Variants in ADGRL2 observed in about 807,000 individuals in gnomAD.
ADGRL2 encodes the protein adhesion G protein-coupled receptor L2, also known as calcium-independent alpha-latrotoxin receptor 2.
A neutral mutation model predicts 157.4 loss-of-function variants in ADGRL2; 44 were observed. The ratio of observed to expected loss-of-function variants is 0.28; its 90% CI spans 0.22 to 0.36. The LOEUF is 0.36. ADGRL2 is among the 10% of genes least tolerant of loss of function. The pLI, the probability that ADGRL2 is intolerant of heterozygous loss-of-function variation, is 1.00. For missense variants in ADGRL2, 1,510 were observed against 1,768.9 expected, an observed-to-expected ratio of 0.85 and a Z score of 2.63; for synonymous variants, 585 against 624.7, an observed-to-expected ratio of 0.94 and a Z score of 0.95.
chr1:81,842,353 C>CT (rs71085377), intron 2 of ADGRL2, among the ~76,000 whole-genome samples: 8,438 of 54,720 alleles, frequency 0.15, 1,374 homozygotes, highest in East Asian at 0.17. Context: ...TCTTTTAGCG[C>CT]TTTTTTTTTT....
At chr1:81,617,423 A>G (rs1183210769) in intron 3 of ADGRL2, among the ~76,000 whole-genome samples, 1 of 152,172 alleles carries the variant, frequency 6.6e-6, no homozygotes, top group East Asian at 1.9e-4. Flanking sequence ...GCTAGTCTAG[A>G]CGACTCTTGG....
intron 1 of ADGRL2, among the ~76,000 whole-genome samples, chr1:81,332,735 G>A (rs973007457): frequency 4.6e-5 from 7 of 152,108 alleles, no homozygotes; most frequent in Admixed American, 4.6e-4. Context: ...TAACATATGT[G>A]CCTTTCACCT....
intron 1 of ADGRL2, among the ~76,000 whole-genome samples, chr1:81,386,835 A>G (rs1350839952): frequency 2.0e-5 from 3 of 152,116 alleles, no homozygotes; most frequent in African/African-American, 7.2e-5. Flanking sequence ...ATGTATTAAC[A>G]TATGCTGTAC....
intron 17 of ADGRL2, among the ~76,000 whole-genome samples, chr1:81,973,115 G>C (rs1173820310): frequency 1.3e-5 from 2 of 151,934 alleles, no homozygotes; most frequent in Non-Finnish European, 2.9e-5. Context: ...GTACTTGAAG[G>C]AAACTTAAAA....
At chr1:81,675,909 G>A (rs893470509) in intron 3 of ADGRL2, among the ~76,000 whole-genome samples, 5 of 151,922 alleles carry the variant, frequency 3.3e-5, no homozygotes, top group Non-Finnish European at 5.9e-5. Context: ...ATGATTTCAC[G>A]CAAAATGAAG....
At chr1:81,406,475 G>T (rs1240240567) in intron 1 of ADGRL2, among the ~76,000 whole-genome samples, 2 of 152,134 alleles carry the variant, frequency 1.3e-5, no homozygotes, top group Admixed American at 6.5e-5. Context: ...AGGAGTCTTT[G>T]TTCCCAGGAG....
intron 1 of ADGRL2, among the ~76,000 whole-genome samples, chr1:81,413,413 A>G (rs4650544): frequency 0.99 from 150,461 of 152,268 alleles, 74,361 homozygotes; most frequent in East Asian, 1. Flanking sequence ...TTTTGTCATT[A>G]ATAACCAAAG....
intron 3 of ADGRL2, among the ~76,000 whole-genome samples, chr1:81,640,851 C>A (rs1239850929): frequency 1.3e-5 from 2 of 152,044 alleles, no homozygotes; most frequent in African/African-American, 4.8e-5. Flanking sequence ...CAGTTTAAAT[C>A]TCCAATTGAC....
intron 1 of ADGRL2, among the ~76,000 whole-genome samples, chr1:81,379,397 C>T: frequency 6.6e-6 from 1 of 152,212 alleles, no homozygotes; most frequent in East Asian, 1.9e-4. Context: ...TTGTGTTAGT[C>T]GGCTCAGTGA....
intron 2 of ADGRL2, among the ~76,000 whole-genome samples, chr1:81,475,673 G>T (rs534087552): frequency 3.3e-5 from 5 of 152,168 alleles, no homozygotes; most frequent in East Asian, 1.9e-4. Flanking sequence ...GGATTATTTG[G>T]GGGGAGGAGA....
chr1:81,754,748 G>A (rs1363991892), intron 1 of ADGRL2, among the ~76,000 whole-genome samples: 2 of 137,666 alleles, frequency 1.5e-5, no homozygotes, highest in Non-Finnish European at 3.0e-5. Flanking sequence ...ATAACACAGT[G>A]TAGTAGGTTC....
intron 1 of ADGRL2, among the ~76,000 whole-genome samples, chr1:81,430,143 T>A (rs1264553768): frequency 1.3e-5 from 2 of 152,192 alleles, no homozygotes; most frequent in Admixed American, 6.5e-5. Flanking sequence ...TCCGCCAGCC[T>A]GGGCCTCCCA....
At chr1:81,580,127 T>C (rs893631709) in intron 2 of ADGRL2, among the ~76,000 whole-genome samples, 3 of 152,124 alleles carry the variant, frequency 2.0e-5, no homozygotes, top group Non-Finnish European at 4.4e-5. Flanking sequence ...AAGCGGTAAA[T>C]TAAGACCAGA....
chr1:81,712,755 A>ATTTTTTTTTTTTTTTTTTTTTTTTTT (rs60265943), intron 1 of ADGRL2, among the ~76,000 whole-genome samples: 1 of 100,250 alleles, frequency 1.0e-5, no homozygotes, highest in Non-Finnish European at 1.9e-5. Flanking sequence ...TGGATCGCGG[A>ATTTTTTTTTTTTTTTTTTTTTTTTTT]TTTTTTTTTT....
chr1:81,390,156 G>A (rs2101110718), intron 1 of ADGRL2, among the ~76,000 whole-genome samples: 1 of 152,412 alleles, frequency 6.6e-6, no homozygotes, highest in East Asian at 1.9e-4. Flanking sequence ...AAGGCAACCA[G>A]AAGAGTCCTG....
At chr1:81,801,242 A>G (rs2088049872) in intron 1 of ADGRL2, among the ~76,000 whole-genome samples, 174 bp downstream of exon 1, 1 of 152,194 alleles carries the variant, frequency 6.6e-6, no homozygotes, top group Non-Finnish European at 1.5e-5. Context: ...CCCTTGCTGG[A>G]AAACTCAGGA....
At chr1:81,509,941 C>T (rs956704817) in intron 2 of ADGRL2, among the ~76,000 whole-genome samples, 2 of 152,030 alleles carry the variant, frequency 1.3e-5, no homozygotes, top group Admixed American at 6.6e-5. Context: ...GGGTGACGGA[C>T]GAAGGAAGCG....
At chr1:81,793,299 T>C (rs1191016414) in intron 2 of ADGRL2, among the ~76,000 whole-genome samples, 1 of 152,182 alleles carries the variant, frequency 6.6e-6, no homozygotes, top group Non-Finnish European at 1.5e-5. Flanking sequence ...GAATTGCATC[T>C]TTAATCACAC....
chr1:81,418,690 C>T (rs2077075278), intron 1 of ADGRL2, among the ~76,000 whole-genome samples: 1 of 152,118 alleles, frequency 6.6e-6, no homozygotes, highest in African/African-American at 2.4e-5. Context: ...GGAGGCAGTA[C>T]TTGCAGTGAG....
Sources: gnomAD v4.1 joint callset for allele counts (sites outside exome capture counted in the v4.1 genomes callset) on GRCh38, gnomAD v4.1.1 for gene constraint, MANE v1.5 for transcripts, NCBI Gene and HGNC (gene_info 2026-07-23, HGNC 2026-07-21) for gene names.